CTNNA3: variants seen among roughly 807,000 people sequenced by gnomAD.
The protein encoded by CTNNA3 is catenin alpha 3.
In CTNNA3, 76 loss-of-function variants were observed where a neutral mutation model predicts 95.7. The ratio of observed to expected loss-of-function variants is 0.79; its 90% CI spans 0.66 to 0.96. The LOEUF is 0.96. Among genes scored for constraint, CTNNA3 ranks in the 40% least tolerant of loss-of-function variants. The pLI, the probability that CTNNA3 is intolerant of heterozygous loss-of-function variation, is 0.00. For missense variants in CTNNA3, 1,191 were observed against 1,089.8 expected (o/e 1.09, Z -1.31); for synonymous variants, 431 against 374.4 (o/e 1.15, Z -1.74).
chr10:66,882,590 C>T (rs1372298049), intron 7 of CTNNA3, among the ~76,000 whole-genome samples: 1 of 152,144 alleles, frequency 6.6e-6, no homozygotes, highest in Non-Finnish European at 1.5e-5. Flanking sequence ...ATTTCTCCTA[C>T]TGGAAGAATA....
At chr10:66,046,104 C>A (rs2079822609) in intron 15 of CTNNA3, among the ~76,000 whole-genome samples, 1 of 152,082 alleles carries the variant, frequency 6.6e-6, no homozygotes. Context: ...AACAACTTGA[C>A]CCACAGAGAA....
intron 4 of CTNNA3, among the ~76,000 whole-genome samples, chr10:67,529,898 T>A (rs1314821993): frequency 6.6e-6 from 1 of 152,076 alleles, no homozygotes; most frequent in East Asian, 1.9e-4. Flanking sequence ...TGGGAGGTGA[T>A]TGAATTATGG....
At chr10:67,269,869 G>A (rs955063134) in intron 5 of CTNNA3, among the ~76,000 whole-genome samples, 1 of 152,076 alleles carries the variant, frequency 6.6e-6, no homozygotes, top group Non-Finnish European at 1.5e-5. Flanking sequence ...TGCTAAAAGT[G>A]CATATCAAAC....
intron 13 of CTNNA3, among the ~76,000 whole-genome samples, chr10:66,260,153 C>A (rs1272841586): frequency 5.3e-5 from 8 of 152,116 alleles, no homozygotes; most frequent in Non-Finnish European, 1.2e-4. Flanking sequence ...ACTGTTTATT[C>A]TTCTCCTTAC....
At chr10:66,634,777 A>G (rs1845278811) in intron 9 of CTNNA3, among the ~76,000 whole-genome samples, 1 of 152,128 alleles carries the variant, frequency 6.6e-6, no homozygotes, top group Admixed American at 6.5e-5. Flanking sequence ...CATTTGTCTA[A>G]GTGGACATAT....
intron 11 of CTNNA3, among the ~76,000 whole-genome samples, chr10:66,495,374 A>G (rs1840066175): frequency 6.6e-6 from 1 of 152,204 alleles, no homozygotes; most frequent in Non-Finnish European, 1.5e-5. Context: ...AAGATCACAT[A>G]TAGCCATAAC....
chr10:67,158,289 A>G (rs1320491853), intron 7 of CTNNA3, among the ~76,000 whole-genome samples: 1 of 152,144 alleles, frequency 6.6e-6, no homozygotes, highest in African/African-American at 2.4e-5. Flanking sequence ...ATATAATACT[A>G]TAGGCCTGGC....
intron 5 of CTNNA3, among the ~76,000 whole-genome samples, chr10:67,236,946 G>A (rs1865491787): frequency 6.6e-6 from 1 of 151,024 alleles, no homozygotes; most frequent in Non-Finnish European, 1.5e-5. Flanking sequence ...GCTAAAGGTA[G>A]AACTACCATT....
intron 7 of CTNNA3, among the ~76,000 whole-genome samples, chr10:67,096,829 T>C (rs1162148705): frequency 3.3e-5 from 5 of 151,902 alleles, no homozygotes; most frequent in Non-Finnish European, 7.4e-5. Flanking sequence ...TTGATGCTTT[T>C]TGGACTTTCA....
intron 7 of CTNNA3, among the ~76,000 whole-genome samples, chr10:67,141,414 C>T (rs998582808): frequency 1.3e-5 from 2 of 152,078 alleles, no homozygotes; most frequent in Admixed American, 6.5e-5. Flanking sequence ...AAAATAAACC[C>T]GACGTCATTC....
intron 10 of CTNNA3, among the ~76,000 whole-genome samples, chr10:66,575,164 G>C (rs1047274636): frequency 2.0e-5 from 3 of 152,084 alleles, no homozygotes; most frequent in Admixed American, 6.5e-5. Flanking sequence ...CGGAAGAGAG[G>C]CATGGGAGGA....
intron 7 of CTNNA3, among the ~76,000 whole-genome samples, chr10:66,973,436 C>G (rs943026008): frequency 6.6e-6 from 1 of 152,110 alleles, no homozygotes; most frequent in African/African-American, 2.4e-5. Context: ...AATAAAGTAT[C>G]TGTAAGCTTA....
intron 14 of CTNNA3, among the ~76,000 whole-genome samples, chr10:66,079,685 A>G (rs1043285065): frequency 6.6e-6 from 1 of 151,664 alleles, no homozygotes; most frequent in Non-Finnish European, 1.5e-5. Flanking sequence ...TCCATAAATT[A>G]TGCTTACATA....
chr10:67,194,778 G>A (rs1863272185), intron 6 of CTNNA3, among the ~76,000 whole-genome samples: 1 of 151,998 alleles, frequency 6.6e-6, no homozygotes, highest in Non-Finnish European at 1.5e-5. Context: ...ATTGATAATG[G>A]GGAGGCCATC....
chr10:66,827,487 G>A (rs1408599341), intron 7 of CTNNA3, among the ~76,000 whole-genome samples: 1 of 152,054 alleles, frequency 6.6e-6, no homozygotes, highest in Non-Finnish European at 1.5e-5. Flanking sequence ...CCAGCACATA[G>A]TAATATTGTC....
At chr10:66,326,922 G>A (rs1395060185) in intron 12 of CTNNA3, among the ~76,000 whole-genome samples, 3 of 152,070 alleles carry the variant, frequency 2.0e-5, no homozygotes, top group Non-Finnish European at 4.4e-5. Context: ...TAGGCAGAGA[G>A]CTTTTCAGAT....
chr10:67,650,913 T>A (rs1370916913), intron 1 of CTNNA3, among the ~76,000 whole-genome samples: 1 of 152,032 alleles, frequency 6.6e-6, no homozygotes, highest in Non-Finnish European at 1.5e-5. Context: ...ACAGAAAACA[T>A]TTGGCACCTA....
chr10:66,473,266 G>C (rs1378238437), intron 11 of CTNNA3, among the ~76,000 whole-genome samples: 1 of 151,860 alleles, frequency 6.6e-6, no homozygotes, highest in Non-Finnish European at 1.5e-5. Flanking sequence ...GAGGTAACTG[G>C]ATCATGGGGG....
intron 13 of CTNNA3, among the ~76,000 whole-genome samples, chr10:66,245,276 G>T (rs565765182): frequency 6.6e-6 from 1 of 152,138 alleles, no homozygotes. Context: ...GAAGCACATT[G>T]GTGCCCAGAA....
Sources: allele counts gnomAD v4.1 joint callset (sites outside exome capture counted in the v4.1 genomes callset), GRCh38; gene constraint gnomAD v4.1.1; transcripts MANE v1.5; gene names NCBI Gene and HGNC (gene_info 2026-07-23, HGNC 2026-07-21).